The following HDAC9 variants were observed in gnomAD, a reference collection of about 807,000 sequenced individuals.
HDAC9 encodes the protein histone deacetylase 9.
Under a neutral mutation model 139.4 loss-of-function variants are expected in HDAC9, and 41 were observed. The ratio of observed to expected loss-of-function variants is 0.29; its 90% CI spans 0.23 to 0.38. The LOEUF (loss-of-function observed/expected upper bound fraction) is 0.38. HDAC9 is among the 10% of genes least tolerant of loss of function. The pLI, the probability that HDAC9 is intolerant of heterozygous loss-of-function variation, is 1.00. For missense variants in HDAC9, 1,147 were observed against 1,297.0 expected (o/e 0.88, Z 1.78); for synonymous variants, 517 against 476.2 (o/e 1.09, Z -1.12).
At chr7:18,843,053 T>C (rs1348841510) in intron 21 of HDAC9, among the ~76,000 whole-genome samples, 1 of 152,092 alleles carries the variant, frequency 6.6e-6, no homozygotes, top group Non-Finnish European at 1.5e-5. Context: ...TAAGACAATA[T>C]TTTTTCTCTG....
chr7:18,188,021 A>G (rs1320430113), intron 2 of HDAC9, among the ~76,000 whole-genome samples: 1 of 152,210 alleles, frequency 6.6e-6, no homozygotes, highest in Non-Finnish European at 1.5e-5. Flanking sequence ...ATGGAATCAA[A>G]GAAGACCCTG....
intron 1 of HDAC9, among the ~76,000 whole-genome samples, chr7:18,438,220 A>G (rs536470722): frequency 1.3e-5 from 2 of 152,224 alleles, no homozygotes; most frequent in South Asian, 4.1e-4. Context: ...GATGGCCAAT[A>G]AACATATGAC....
At chr7:18,631,061 T>C (rs569241345) in intron 7 of HDAC9, among the ~76,000 whole-genome samples, 1 of 152,240 alleles carries the variant, frequency 6.6e-6, no homozygotes, top group East Asian at 1.9e-4. Flanking sequence ...GTAGTCTGTT[T>C]TCTTGATCAT....
At chr7:18,553,791 C>G (rs1285120800) in intron 2 of HDAC9, among the ~76,000 whole-genome samples, 3 of 152,138 alleles carry the variant, frequency 2.0e-5, no homozygotes, top group Non-Finnish European at 4.4e-5. Flanking sequence ...ATCCTACAGC[C>G]CCTTATGTTC....
intron 2 of HDAC9, among the ~76,000 whole-genome samples, chr7:18,541,253 C>G (rs1277455392): frequency 6.6e-6 from 1 of 150,906 alleles, no homozygotes; most frequent in Non-Finnish European, 1.5e-5. Context: ...CACCTTGCCC[C>G]TTGCTAATAT....
At chr7:18,968,023 G>A (rs1002054034) in intron 24 of HDAC9, among the ~76,000 whole-genome samples, 19 of 151,806 alleles carry the variant, frequency 1.3e-4, no homozygotes, top group Admixed American at 1.3e-4. Context: ...TTAGCCAGGC[G>A]TGGTGGCATA....
At chr7:18,793,591 G>A in intron 17 of HDAC9, 139 bp downstream of exon 17, 1 of 674,766 alleles carries the variant, frequency 1.5e-6, no homozygotes, top group African/African-American at 1.8e-5. Context: ...GGCCACTAAG[G>A]TGTGATAATA....
intron 6 of HDAC9, 50 bp from the exon 7 acceptor site, chr7:18,629,296 GCTCT>G (rs1781588120): frequency 1.1e-5 from 16 of 1,462,932 alleles, no homozygotes; most frequent in East Asian, 1.0e-4. Context: ...TGAGCAATTG[GCTCT>G]CTATTTTTTT....
chr7:18,225,256 T>C (rs1469625660), intron 2 of HDAC9, among the ~76,000 whole-genome samples: 1 of 152,216 alleles, frequency 6.6e-6, no homozygotes, highest in African/African-American at 2.4e-5. Context: ...AGAGAAGTTA[T>C]ACACTGAGTA....
At chr7:18,810,427 A>C (rs1338247689) in intron 17 of HDAC9, among the ~76,000 whole-genome samples, 1 of 151,704 alleles carries the variant, frequency 6.6e-6, no homozygotes, top group East Asian at 1.9e-4. Context: ...CCAGTTTCCC[A>C]AGATTCAAGG....
intron 1 of HDAC9, among the ~76,000 whole-genome samples, chr7:18,330,504 T>C (rs1407679162): frequency 1.3e-5 from 2 of 151,564 alleles, no homozygotes; most frequent in Non-Finnish European, 3.0e-5. Flanking sequence ...TGAAAAGATA[T>C]TAACTTCAGA....
Position 18,435,166 on chromosome 7 carries a change from G to A in HDAC9, c.-41-61096G>A, listed in dbSNP as rs1791070088. Among the ~76,000 whole-genome samples the A allele has an allele frequency of 2.0e-5, 3 of 149,120 alleles. No individual in the cohort carries two copies. The Admixed American group carries it at 2.0e-4, about 10-fold the overall frequency. ...AACTAATGCAGGAACAGAAAACCAAGTACTGCATATTCTTACTTATACTTG... is the reference window on the plus strand; with the variant it reads ...AACTAATGCAGGAACAGAAAACCAAATACTGCATATTCTTACTTATACTTG... On this transcript the variant is annotated intron_variant, in intron 1 of 3. Transcript: ENST00000413509.
chr7:18,159,130 C>CACG (rs1227477596), intron 1 of HDAC9, among the ~76,000 whole-genome samples: 1 of 152,120 alleles, frequency 6.6e-6, no homozygotes, highest in African/African-American at 2.4e-5. Context: ...CTTAAATGTG[C>CACG]ACGAATATGT....
At chr7:18,599,430 C>G (rs1156708141) in intron 6 of HDAC9, among the ~76,000 whole-genome samples, 1 of 152,134 alleles carries the variant, frequency 6.6e-6, no homozygotes, top group Non-Finnish European at 1.5e-5. Context: ...AATAGTTTTA[C>G]CACCCTAAAA....
intron 12 of HDAC9, among the ~76,000 whole-genome samples, chr7:18,715,735 A>G (rs548742980): frequency 6.6e-6 from 1 of 152,192 alleles, no homozygotes; most frequent in Non-Finnish European, 1.5e-5. Context: ...GAGAAATCTA[A>G]AAGTTGTAAT....
intron 1 of HDAC9, among the ~76,000 whole-genome samples, chr7:18,474,890 G>A (rs1199440633): frequency 6.6e-6 from 1 of 152,144 alleles, no homozygotes; most frequent in Non-Finnish European, 1.5e-5. Flanking sequence ...AGAAAGGAAA[G>A]AAGGAATGGT....
intron 2 of HDAC9, among the ~76,000 whole-genome samples, chr7:18,272,913 G>GCTGCTACTA (rs1209293748): frequency 6.9e-6 from 1 of 144,586 alleles, no homozygotes; most frequent in African/African-American, 2.6e-5. Flanking sequence ...CTAGACTACT[G>GCTGCTACTA]CTACTACTAC....
At chr7:18,186,404 C>A (rs542920832) in intron 2 of HDAC9, among the ~76,000 whole-genome samples, 142 of 152,310 alleles carry the variant, frequency 9.3e-4, no homozygotes, top group African/African-American at 3.3e-3. Flanking sequence ...TGGCATGTGC[C>A]GCTGGCACCG....
At chr7:18,466,058 G>A (rs975168920) in intron 1 of HDAC9, among the ~76,000 whole-genome samples, 6 of 152,192 alleles carry the variant, frequency 3.9e-5, no homozygotes, top group Non-Finnish European at 7.4e-5. Context: ...CTATAAGGGA[G>A]AAATCAGCTT....
Sources: allele counts gnomAD v4.1 joint callset (sites outside exome capture counted in the v4.1 genomes callset), GRCh38; gene constraint gnomAD v4.1.1; transcripts MANE v1.5; gene names NCBI Gene and HGNC (gene_info 2026-07-23, HGNC 2026-07-21).